The following ANTXR2 variants were observed in gnomAD, a reference collection of about 807,000 sequenced individuals.
ANTXR2 encodes anthrax toxin receptor 2.
ANTXR2 carries 44 observed loss-of-function variants against 73.7 expected under a neutral mutation model. The observed-to-expected ratio is 0.60, with a 90% confidence interval of 0.47 to 0.77. ANTXR2 has a LOEUF of 0.77. Ranked by LOEUF, ANTXR2 falls within the 30% of genes least tolerant of loss-of-function variation. ANTXR2 has a pLI of 0.00. For missense variants in ANTXR2, 604 were observed against 592.5 expected (o/e 1.02, Z -0.20); for synonymous variants, 217 against 205.9 (o/e 1.05, Z -0.46).
intron 12 of ANTXR2, among the ~76,000 whole-genome samples, chr4:80,007,880 T>A (rs1731382911): frequency 2.0e-5 from 3 of 152,200 alleles, no homozygotes; most frequent in Admixed American, 2.0e-4. Context: ...TAGACAGCTG[T>A]TAGATAATAA....
intron 16 of ANTXR2, among the ~76,000 whole-genome samples, chr4:79,926,955 G>GTGCATATATGTGTATATATATATACACA (rs1470173608): frequency 1.2e-5 from 1 of 80,852 alleles, no homozygotes; most frequent in Non-Finnish European, 2.2e-5. Flanking sequence ...GTATATATAC[G>GTGCATATATGTGTATATATATATACACA]TGTGCATATA....
intron 16 of ANTXR2, among the ~76,000 whole-genome samples, chr4:79,973,528 A>G (rs10001066): frequency 0.37 from 55,634 of 151,528 alleles, 12,119 homozygotes; most frequent in Non-Finnish European, 0.47. Context: ...CCTGGGTTCA[A>G]GTGGTTCTTT....
intron 11 of ANTXR2, among the ~76,000 whole-genome samples, chr4:80,011,755 T>C (rs1303046278): frequency 6.6e-6 from 1 of 152,214 alleles, no homozygotes; most frequent in Non-Finnish European, 1.5e-5. Context: ...AAAATGAAAC[T>C]GTTTTTCTTT....
chr4:80,067,980 AAAATTAAAATT>A (rs1734587538), intron 3 of ANTXR2, among the ~76,000 whole-genome samples: 1 of 152,186 alleles, frequency 6.6e-6, no homozygotes, highest in Admixed American at 6.5e-5. Context: ...CCCAGAACTT[AAAATTAAAATT>A]AAATTAAATT....
At position 79,977,629 on chromosome 4, in the gene ANTXR2, C is replaced by T. The variant is rs1433719156; in HGVS notation, c.1420G>A (p.Gly474Arg). Reference protein sequence around the residue: ...DRVSLMRPQEGDEGRCINFSR... With the variant: ...DRVSLMRPQERDEGRCINFSR... ...CATTCCCATATACAAACCTCATCTC[C>T]TTCCTGAGGTCGCATCAAAGAAACC... Residue 474 changes from glycine to arginine, a missense_variant, in exon 16 of 17, where the codon GGA (glycine) becomes AGA (arginine). Coordinates refer to ENST00000403729, the MANE Select transcript of ANTXR2 (RefSeq NM_058172.6). 2 of 1,575,846 alleles carry T rather than the reference C, an allele frequency of 1.3e-6. No individual in the cohort carries two copies. Among genetic ancestry groups the T allele is most frequent in the African/African-American group, 2.7e-5 (2 of 74,250 alleles).
intron 16 of ANTXR2, among the ~76,000 whole-genome samples, chr4:79,967,234 G>A (rs1245782564): frequency 3.3e-5 from 2 of 60,430 alleles, no homozygotes; most frequent in Non-Finnish European, 3.6e-5. Context: ...GGCGCACCAC[G>A]AGACTATATC....
At chr4:80,037,891 G>T (rs575883927) in intron 7 of ANTXR2, among the ~76,000 whole-genome samples, 1 of 152,200 alleles carries the variant, frequency 6.6e-6, no homozygotes, top group African/African-American at 2.4e-5. Flanking sequence ...AAAATGGAAG[G>T]TTAAAGGAAA....
intron 1 of ANTXR2, among the ~76,000 whole-genome samples, chr4:80,072,078 G>A (rs759345721): frequency 1.3e-5 from 2 of 152,150 alleles, no homozygotes; most frequent in Admixed American, 6.5e-5. Flanking sequence ...CAGGGTCGAG[G>A]AGGTGGGTAA....
intron 10 of ANTXR2, among the ~76,000 whole-genome samples, chr4:80,031,355 A>T (rs1732686361): frequency 6.6e-6 from 1 of 151,864 alleles, no homozygotes; most frequent in African/African-American, 2.4e-5. Context: ...ATAGTTCTCA[A>T]ACCCATCCAG....
chr4:79,902,097 T>C lies in ANTXR2; in HGVS notation c.*5332A>G, dbSNP rs1726728575. The C allele has an allele frequency of 1.3e-5, 2 of 152,180 alleles. No homozygotes were observed. The highest frequency in any genetic ancestry group is 2.4e-5 in the African/African-American group (1 of 41,452). The allele number at this position is 152,180 out of a possible 1,614,324, so 9.4% of individuals were successfully genotyped here. On this transcript the variant is annotated 3_prime_UTR_variant, in exon 17 of 17. Transcript: ENST00000403729. ...CTAGTCAAACTGAAACCTACTTAAA[T>C]GTACATTTTAATAACTTTAACAATT...
chr4:80,066,915 T>A (rs767635889), intron 3 of ANTXR2, among the ~76,000 whole-genome samples: 15 of 152,296 alleles, frequency 9.8e-5, no homozygotes, highest in South Asian at 2.1e-4. Flanking sequence ...AGGCCTCTTC[T>A]GGTGAGGTGC....
chr4:80,045,527 C>G (rs947694118), intron 7 of ANTXR2, among the ~76,000 whole-genome samples: 1 of 151,380 alleles, frequency 6.6e-6, no homozygotes, highest in Non-Finnish European at 1.5e-5. Flanking sequence ...TTTCCATGAC[C>G]CACAGCATGT....
chr4:79,946,275 G>A (rs544407425), intron 16 of ANTXR2, among the ~76,000 whole-genome samples: 3 of 152,274 alleles, frequency 2.0e-5, no homozygotes, highest in South Asian at 2.1e-4. Context: ...AAGTTAGGTC[G>A]TGTGCCTCTG....
rs188143394 is a variant in ANTXR2, at chr4:80,011,791, A to G, written c.946-3175T>C. 4.5e-3 allele frequency among the ~76,000 whole-genome samples: 686 copies of G among 152,294 alleles called. 9 individuals carry two copies. Among genetic ancestry groups the G allele is most frequent in the African/African-American group, 0.016 (651 of 41,558 alleles). On this transcript the variant is annotated intron_variant, in intron 11 of 16. Coordinates refer to ENST00000403729, the MANE Select transcript of ANTXR2 (RefSeq NM_058172.6). Reference sequence around the variant, plus strand: ...CATGACTAACATCTTTCTTGCTCTGATAGTGGCTCTGGCTATCAAAACAAA... The same window carrying G: ...CATGACTAACATCTTTCTTGCTCTGGTAGTGGCTCTGGCTATCAAAACAAA...
intron 4 of ANTXR2, 66 bp downstream of exon 4, chr4:80,055,866 G>C (rs981299592): frequency 8.5e-7 from 1 of 1,169,784 alleles, no homozygotes; most frequent in African/African-American, 1.6e-5. Flanking sequence ...CTTTGCTAGA[G>C]GGTTTTATTT....
At chr4:79,992,177 G>A (rs1730500964) in intron 12 of ANTXR2, among the ~76,000 whole-genome samples, 1 of 151,950 alleles carries the variant, frequency 6.6e-6, no homozygotes, top group Non-Finnish European at 1.5e-5. Context: ...AAGACAGTGG[G>A]AAGTTCATTA....
chr4:79,993,044 A>G (rs983390781), intron 12 of ANTXR2, among the ~76,000 whole-genome samples: 2 of 152,088 alleles, frequency 1.3e-5, no homozygotes, highest in African/African-American at 4.8e-5. Flanking sequence ...ATCCAAGTTG[A>G]TAATTTTATC....
At chr4:80,019,030 G>A in intron 10 of ANTXR2, 54 bp from the exon 11 acceptor site, 3 of 1,218,066 alleles carry the variant, frequency 2.5e-6, no homozygotes, top group South Asian at 3.3e-5. Flanking sequence ...AGAGGAGTAG[G>A]AGATTTTTAT....
intron 11 of ANTXR2, among the ~76,000 whole-genome samples, chr4:80,016,913 C>T (rs887969990): frequency 6.6e-6 from 1 of 152,224 alleles, no homozygotes; most frequent in Admixed American, 6.5e-5. Context: ...TTTGATCACC[C>T]CAGTGGGGCT....
Sources: gnomAD v4.1 joint callset for allele counts (sites outside exome capture counted in the v4.1 genomes callset) on GRCh38, gnomAD v4.1.1 for gene constraint, MANE v1.5 for transcripts, NCBI Gene and HGNC (gene_info 2026-07-23, HGNC 2026-07-21) for gene names.